Variants in MFAP3L observed in about 807,000 individuals in gnomAD.
The protein encoded by MFAP3L is microfibril associated protein 3 like, also known as microfibrillar-associated protein 3-like.
In MFAP3L, 5 loss-of-function variants were observed where a neutral mutation model predicts 20.0. That is an observed-to-expected ratio of 0.25 (90% confidence interval 0.13 to 0.53). MFAP3L has a LOEUF of 0.53. Among genes scored for constraint, MFAP3L ranks in the 20% least tolerant of loss-of-function variants. The probability of loss-of-function intolerance (pLI) is 0.96; values close to 1 mark genes in which losing one functional copy is unlikely to be tolerated. For synonymous variants in MFAP3L, 219 were observed against 213.0 expected (o/e 1.03, Z -0.25); for missense variants, 409 against 527.5 (o/e 0.78, Z 2.20).
At chr4:170,003,281 G>C (rs369230897) in intron 2 of MFAP3L, among the ~76,000 whole-genome samples, 1 of 152,192 alleles carries the variant, frequency 6.6e-6, no homozygotes, top group Non-Finnish European at 1.5e-5. Context: ...AATTCTGATG[G>C]AGCAGTTCTC....
At chr4:170,025,666 T>C (rs926298712) in intron 1 of MFAP3L, among the ~76,000 whole-genome samples, 8 of 152,118 alleles carry the variant, frequency 5.3e-5, no homozygotes, top group African/African-American at 1.9e-4. Context: ...CGATGTCAAC[T>C]TGTTATGGAG....
chr4:170,006,515 T>C (rs1739046336), intron 1 of MFAP3L: 1 of 152,264 alleles, frequency 6.6e-6, no homozygotes, highest in Non-Finnish European at 1.5e-5. Context: ...TCAAAACATA[T>C]AGATTTTATA....
intron 2 of MFAP3L, chr4:169,997,671 T>C: frequency 7.2e-6 from 7 of 977,224 alleles, no homozygotes; most frequent in African/African-American, 1.8e-5. Flanking sequence ...TTGTTGGCAG[T>C]GGAAAGTGAC....
intron 1 of MFAP3L, among the ~76,000 whole-genome samples, chr4:170,009,900 T>C (rs1462549306): frequency 4.6e-5 from 7 of 152,244 alleles, no homozygotes; most frequent in Non-Finnish European, 7.3e-5. Flanking sequence ...ATTATTGTTT[T>C]TTCTTGGCAG....
At chr4:170,026,569 A>G (rs78685422), upstream of MFAP3L, 11,192 of 151,114 alleles carry the variant, frequency 0.074, 481 homozygotes, top group Non-Finnish European at 0.096. Context: ...GGTGCTGCGG[A>G]GCGGCCCCGC....
At chr4:170,003,503 T>TACC (rs1311320058) in intron 2 of MFAP3L, among the ~76,000 whole-genome samples, 2 of 152,198 alleles carry the variant, frequency 1.3e-5, no homozygotes, top group Non-Finnish European at 2.9e-5. Flanking sequence ...TTCGCTAAGA[T>TACC]ACCACATATG....
At chr4:170,017,816 T>C (rs1270531455) in intron 1 of MFAP3L, among the ~76,000 whole-genome samples, 1 of 152,166 alleles carries the variant, frequency 6.6e-6, no homozygotes, top group Non-Finnish European at 1.5e-5. Flanking sequence ...AGGGATTCAG[T>C]GGTTTCCACT....
chr4:169,998,200 CA>C (rs1184284745), intron 2 of MFAP3L, among the ~76,000 whole-genome samples: 3 of 152,158 alleles, frequency 2.0e-5, no homozygotes, highest in Non-Finnish European at 4.4e-5. Context: ...TGGTATGGCC[CA>C]ATGTCTCCTC....
chr4:169,991,353 T>C lies in MFAP3L; in HGVS notation c.*25A>G. The C allele has an allele frequency of 6.3e-7, 1 of 1,596,150 alleles. No individual in the cohort carries two copies. The highest frequency in any genetic ancestry group is 8.5e-7 in the Non-Finnish European group (1 of 1,170,140). On this transcript the variant is annotated 3_prime_UTR_variant, in exon 3 of 3. Coordinates refer to ENST00000361618, the MANE Select transcript of MFAP3L (RefSeq NM_021647.8). The surrounding 1 kb of genome is among the most constrained non-coding windows in gnomAD (Gnocchi z 4.9). ...AAGGAGCAGCCCCTGATTTTCTTGA[T>C]ATGCATAGCTTTTCGGGGTTGGTAT...
At chr4:170,002,354 T>A in intron 2 of MFAP3L, 2 of 579,508 alleles carry the variant, frequency 3.5e-6, no homozygotes, top group Non-Finnish European at 4.3e-6. Context: ...CACTTCACTG[T>A]AGGGCTTATT....
At chr4:170,006,075 A>T in intron 1 of MFAP3L, 65 bp from the exon 2 acceptor site, 2 of 1,265,862 alleles carry the variant, frequency 1.6e-6, no homozygotes, top group Non-Finnish European at 1.0e-6. Flanking sequence ...AAAACACTAT[A>T]AACGGTTAGC....
Position 169,987,720 on chromosome 4 carries a change from C to T in MFAP3L, c.*3658G>A, listed in dbSNP as rs1188902185. On this transcript the variant is annotated 3_prime_UTR_variant, in exon 3 of 3. Coordinates refer to ENST00000361618, the MANE Select transcript of MFAP3L (RefSeq NM_021647.8). ...AATGTCCTTTGTACCTGATTTTCTT[C>T]ATGTGCTAAAGAGCTGAGCAGATCC... 1 of 152,122 alleles carries T rather than the reference C, an allele frequency of 6.6e-6. No individual in the cohort carries two copies. The highest frequency in any genetic ancestry group is 1.9e-4 in the East Asian group (1 of 5,194). The allele number at this position is 152,122 out of a possible 1,614,324, so 9.4% of individuals were successfully genotyped here. A position where few individuals can be genotyped will look rare whatever the true frequency, so the allele number is the denominator to read the frequency against.
chr4:170,000,047 T>C (rs1297578020), intron 2 of MFAP3L, among the ~76,000 whole-genome samples: 1 of 152,184 alleles, frequency 6.6e-6, no homozygotes, highest in East Asian at 1.9e-4. Flanking sequence ...GTGTCCTCTG[T>C]GGAGAAAACA....
chr4:170,002,139 C>G (rs544514100), intron 2 of MFAP3L: 1 of 978,546 alleles, frequency 1.0e-6, no homozygotes, highest in African/African-American at 1.9e-5. Context: ...ACCTTGCTAT[C>G]GGTAGTGAGG....
In MFAP3L at chr4:169,986,709, C is replaced by T. The variant is rs1395803454; in HGVS notation, c.*4669G>A. On this transcript the variant is annotated 3_prime_UTR_variant, in exon 3 of 3. Transcript: ENST00000361618. Reference sequence around the variant, plus strand: ...CCAACTTATATGAGTAACTTGTTTACAACTTTATTTTTAAAAGTGAACATT... The same window carrying T: ...CCAACTTATATGAGTAACTTGTTTATAACTTTATTTTTAAAAGTGAACATT... 6.6e-6 allele frequency: 1 copy of T among 152,138 alleles called. No homozygotes were observed. The highest frequency in any genetic ancestry group is 6.5e-5 in the Admixed American group (1 of 15,272). The allele number at this position is 152,138 out of a possible 1,614,324, so 9.4% of individuals were successfully genotyped here.
intron 1 of MFAP3L, among the ~76,000 whole-genome samples, chr4:170,023,013 G>A (rs1196776077): frequency 6.6e-6 from 1 of 152,160 alleles, no homozygotes; most frequent in Non-Finnish European, 1.5e-5. Flanking sequence ...CCTTTGGTGG[G>A]GGGCATTATT....
rs1295653603 is a variant in MFAP3L at position 169,987,953 on chromosome 4, G to A, written c.*3425C>T. The A allele has an allele frequency of 1.3e-5, 2 of 152,192 alleles. No individual in the cohort carries two copies. The highest frequency in any genetic ancestry group is 2.9e-5 in the Non-Finnish European group (2 of 68,028). The allele number at this position is 152,192 out of a possible 1,614,324, so 9.4% of individuals were successfully genotyped here. On this transcript the variant is annotated 3_prime_UTR_variant, in exon 3 of 3. Transcript: ENST00000361618. The stretch of plus-strand genomic sequence containing the variant: ...ACAAACAATAAAAACAGATAAAGGA[G>A]GAAAGGGGAATTCCAGAACCCCATT...
At chr4:170,018,742 C>T (rs1310560371) in intron 1 of MFAP3L, among the ~76,000 whole-genome samples, 1 of 152,112 alleles carries the variant, frequency 6.6e-6, no homozygotes, top group South Asian at 2.1e-4. Flanking sequence ...GACTCAAAGA[C>T]CAAGTAATCT....
At chr4:170,018,322 A>G (rs558590554) in intron 1 of MFAP3L, among the ~76,000 whole-genome samples, 1 of 152,352 alleles carries the variant, frequency 6.6e-6, no homozygotes, top group African/African-American at 2.4e-5. Context: ...TTTTGCAAGC[A>G]TCATGCAGTG....
Sources: allele counts gnomAD v4.1 joint callset (sites outside exome capture counted in the v4.1 genomes callset), GRCh38; gene constraint gnomAD v4.1.1; non-coding constraint Gnocchi (gnomAD v3.1); transcripts MANE v1.5; gene names NCBI Gene and HGNC (gene_info 2026-07-23, HGNC 2026-07-21).